SIM1: variants seen among roughly 807,000 people sequenced by gnomAD.
The protein encoded by SIM1 is single-minded homolog 1.
In SIM1, 18 loss-of-function variants were observed where a neutral mutation model predicts 78.2. The observed-to-expected ratio is 0.23, with a 90% CI of 0.16 to 0.34. The LOEUF (loss-of-function observed/expected upper bound fraction) is 0.34, where lower values mean the gene tolerates loss of function less well. Ranked by LOEUF, SIM1 falls within the 10% of genes least tolerant of loss-of-function variation. The pLI is 1.00. For synonymous variants in SIM1, 417 were observed against 385.2 expected (o/e 1.08, Z -0.97); for missense variants, 939 against 975.1 (o/e 0.96, Z 0.49).
chr6:100,417,656 G>T (rs913720337), intron 10 of SIM1, among the ~76,000 whole-genome samples: 1 of 152,182 alleles, frequency 6.6e-6, no homozygotes, highest in Non-Finnish European at 1.5e-5. Flanking sequence ...ACGGTGATGA[G>T]TTTGCCCTGG....
In SIM1 at chr6:100,390,121, T is replaced by C. The variant is rs1012350042; in HGVS notation, c.*240A>G. 1.7e-5 allele frequency: 9 copies of C among 526,098 alleles called. No homozygotes were observed. The highest frequency in any genetic ancestry group is 1.5e-4 in the African/African-American group (8 of 52,434). 32.6% of individuals were successfully genotyped at this position (526,098 alleles called of 1,614,324 possible). A position where few individuals can be genotyped will look rare whatever the true frequency, so the allele number is the denominator to read the frequency against. On this transcript the variant is annotated 3_prime_UTR_variant, in exon 12 of 12. Coordinates refer to ENST00000369208, the MANE Select transcript of SIM1 (RefSeq NM_005068.3). ...AATATTTTTCAAGTCAAAATTTATC[T>C]ATTCTGGTTCCCATATAATTAGAGG...
Position 100,389,512 on chromosome 6 carries a change from C to A in SIM1, c.*849G>T. On this transcript the variant is annotated 3_prime_UTR_variant, in exon 12 of 12. Coordinates refer to ENST00000369208, the MANE Select transcript of SIM1 (RefSeq NM_005068.3). ...AATATGTTGTTTACTTATGCTGAGC[C>A]CTTAAATTGTGTTAAACTTTGAGAT... 2.5e-6 allele frequency: 1 copy of A among 397,822 alleles called. No homozygotes were observed. The highest frequency in any genetic ancestry group is 4.4e-6 in the Non-Finnish European group (1 of 225,674). The allele number at this position is 397,822 out of a possible 1,614,324, so 24.6% of individuals were successfully genotyped here.
intron 2 of SIM1, among the ~76,000 whole-genome samples, chr6:100,461,206 T>C (rs1266172061): frequency 6.6e-6 from 1 of 152,084 alleles, no homozygotes; most frequent in Non-Finnish European, 1.5e-5. Context: ...TAACGAGAGG[T>C]TGGCTGTAAG....
intron 9 of SIM1, among the ~76,000 whole-genome samples, chr6:100,431,662 A>G (rs984485740): frequency 6.6e-6 from 1 of 152,218 alleles, no homozygotes; most frequent in Admixed American, 6.5e-5. Context: ...GAGAACTTGT[A>G]TAATACTACA....
rs973343373 is a variant in SIM1 at position 100,388,517 on chromosome 6, T to C, written c.*1844A>G. 2 of 152,232 alleles carry C rather than the reference T, an allele frequency of 1.3e-5. No individual in the cohort carries two copies. The highest frequency in any genetic ancestry group is 4.8e-5 in the African/African-American group (2 of 41,462). The allele number at this position is 152,232 out of a possible 1,614,324, so 9.4% of individuals were successfully genotyped here. The stretch of plus-strand genomic sequence containing the variant: ...CAAATGTTAACATTATTTAATTTTA[T>C]GTAGCCTCTCCTTTCATATACAAAC... On this transcript the variant is annotated 3_prime_UTR_variant, in exon 12 of 12. Transcript: ENST00000369208.
intron 9 of SIM1, among the ~76,000 whole-genome samples, chr6:100,443,237 T>C (rs973628611): frequency 3.3e-5 from 5 of 152,080 alleles, no homozygotes; most frequent in Admixed American, 3.3e-4. Context: ...AGTTTTAACA[T>C]AGAAAACTAC....
At chr6:100,400,904 G>A (rs1283748403) in intron 10 of SIM1, among the ~76,000 whole-genome samples, 3 of 151,920 alleles carry the variant, frequency 2.0e-5, no homozygotes, top group East Asian at 1.9e-4. Context: ...GATAAATCTC[G>A]GGGAAAAACT....
chr6:100,412,581 AAGAAAG>A lies in SIM1; in HGVS notation c.1167+8203_1167+8208del, dbSNP rs1562239456. The stretch of plus-strand genomic sequence containing the variant: ...AAAGAAAGAAAGAAAGAAAGAAAGA[AAGAAAG>A]AAAGAAAGAAAGAAAGAAAGAAAGG... On this transcript the variant is annotated intron_variant, in intron 10 of 11. Transcript: ENST00000369208. Among the ~76,000 whole-genome samples the A allele has an allele frequency of 6.4e-4, 72 of 111,642 alleles. 5 individuals are homozygous for A. The highest frequency in any genetic ancestry group is 4.2e-3 in the Middle Eastern group (1 of 236). The allele number at this position is 111,642 out of a possible 152,430, so 73.2% of individuals were successfully genotyped here.
intron 9 of SIM1, among the ~76,000 whole-genome samples, chr6:100,426,491 T>A (rs1771733380): frequency 6.6e-6 from 1 of 152,228 alleles, no homozygotes; most frequent in Admixed American, 6.5e-5. Flanking sequence ...AAGCTCAGCG[T>A]GACACCCTTG....
At position 100,393,824 on chromosome 6, in the gene SIM1, C is replaced by G. The variant is rs758387879; in HGVS notation, c.1233G>C (p.Leu411Phe). 1 of 1,609,836 alleles carries G rather than the reference C, an allele frequency of 6.2e-7. No individual in the cohort carries two copies. The highest frequency in any genetic ancestry group is 2.2e-5 in the East Asian group (1 of 44,768). ...DHDSQWGGSPLTDTASPQLLD... is the reference protein window; with the variant it reads ...DHDSQWGGSPFTDTASPQLLD... ...GAAGCTGCGGAGAGGCCGTGTCGGT[C>G]AAGGGACTTCCGCCCCACTGGCTGT... Residue 411 changes from leucine (L) to phenylalanine (F), a missense_variant, in exon 11 of 12, where the codon TTG becomes TTC. Coordinates refer to ENST00000369208, the MANE Select transcript of SIM1 (RefSeq NM_005068.3).
At chr6:100,422,658 G>A (rs1445177475) in intron 9 of SIM1, among the ~76,000 whole-genome samples, 1 of 151,904 alleles carries the variant, frequency 6.6e-6, no homozygotes, top group Non-Finnish European at 1.5e-5. Context: ...CTTGAAAATC[G>A]CTAATAGAGT....
chr6:100,439,854 C>T (rs1417388248), intron 9 of SIM1, among the ~76,000 whole-genome samples: 1 of 152,132 alleles, frequency 6.6e-6, no homozygotes, highest in Non-Finnish European at 1.5e-5. Context: ...TGTTTTCTCC[C>T]TCTACATAGA....
rs771724412 is a variant in SIM1 at position 100,449,371 on chromosome 6, C to A, written c.535G>T (p.Gly179Cys). The change falls in exon 6 of 12, where the codon GGC becomes TGC. Residue 179 changes from glycine to cysteine, a missense_variant. Gly to Cys is a radical substitution (Grantham distance 159). Transcript: ENST00000369208. ...AKRNAGLTCG[G>C]YKVIHCSGYL... ...ATCTTCCAGCTACGCACCTTGTAGC[C>A]GCCACAGGTGAGGCCGGCGTTACGC... 6.2e-7 allele frequency: 1 copy of A among 1,613,650 alleles called. No homozygotes were observed. The highest frequency in any genetic ancestry group is 8.5e-7 in the Non-Finnish European group (1 of 1,179,708).
intron 10 of SIM1, among the ~76,000 whole-genome samples, chr6:100,412,737 AAGAAAGAAAGAAAG>A (rs1771280790): frequency 6.9e-6 from 1 of 145,106 alleles, no homozygotes; most frequent in Admixed American, 7.0e-5. Context: ...GAAAGAAAGA[AAGAAAGAAAGAAAG>A]AAAAAAGAAA....
intron 2 of SIM1, among the ~76,000 whole-genome samples, chr6:100,460,980 G>A (rs1562065830): frequency 6.6e-6 from 1 of 151,502 alleles, no homozygotes; most frequent in South Asian, 2.1e-4. Context: ...AGTAGCTAGA[G>A]AAACAAATGA....
chr6:100,424,439 T>G (rs1041297720), intron 9 of SIM1, among the ~76,000 whole-genome samples: 12 of 151,956 alleles, frequency 7.9e-5, no homozygotes, highest in African/African-American at 2.9e-4. Flanking sequence ...TATTTTGTTC[T>G]GTTTTGTTTT....
At chr6:100,412,611 G>GA (rs1318407451) in intron 10 of SIM1, among the ~76,000 whole-genome samples, 5 of 67,650 alleles carry the variant, frequency 7.4e-5, no homozygotes, top group African/African-American at 2.4e-4. Context: ...AAGAAAGAAA[G>GA]GAAAGAAAGA....
chr6:100,433,018 T>C lies in SIM1; in HGVS notation c.999-12060A>G, dbSNP rs79724337. On this transcript the variant is annotated intron_variant, in intron 9 of 11. Transcript: ENST00000369208. ...ATATCCAATCTATCTGCAAATCCCA[T>C]TGGGCCTACCTTCAAAACATATGCC... Among the ~76,000 whole-genome samples, 499 of 152,242 alleles carry C rather than the reference T, an allele frequency of 3.3e-3. 3 individuals carry two copies. The highest frequency in any genetic ancestry group is 0.032 in the East Asian group (163 of 5,166).
chr6:100,422,467 T>G (rs917264368), intron 9 of SIM1, among the ~76,000 whole-genome samples: 2 of 152,318 alleles, frequency 1.3e-5, no homozygotes, highest in Non-Finnish European at 2.9e-5. Context: ...CCTCCCAAAG[T>G]GCTGGGATTG....
Sources: allele counts gnomAD v4.1 joint callset (sites outside exome capture counted in the v4.1 genomes callset), GRCh38; gene constraint gnomAD v4.1.1; transcripts MANE v1.5; gene names NCBI Gene and HGNC (gene_info 2026-07-23, HGNC 2026-07-21).